Variants in PTPRA observed in about 807,000 individuals in gnomAD.
PTPRA encodes the protein receptor-type tyrosine-protein phosphatase alpha.
Under a neutral mutation model 104.8 loss-of-function variants are expected in PTPRA, and 25 were observed. That is an observed-to-expected ratio of 0.24 (90% CI 0.17 to 0.33). PTPRA has a LOEUF of 0.33. PTPRA is among the 10% of genes least tolerant of loss of function. The pLI, the probability that PTPRA is intolerant of heterozygous loss-of-function variation, is 1.00. For synonymous variants in PTPRA, 323 were observed against 368.9 expected, an observed-to-expected ratio of 0.88 and a Z score of 1.43; for missense variants, 765 against 1,015.3, an observed-to-expected ratio of 0.75 and a Z score of 3.35.
intron 1 of PTPRA, among the ~76,000 whole-genome samples, chr20:2,880,888 A>G (rs1269560903): frequency 1.3e-5 from 2 of 152,074 alleles, no homozygotes; most frequent in African/African-American, 4.8e-5. Context: ...ACGTGCCTGT[A>G]GTCCCACTTA....
At chr20:3,012,430 A>T (rs1314988868) in intron 11 of PTPRA, among the ~76,000 whole-genome samples, 1 of 152,220 alleles carries the variant, frequency 6.6e-6, no homozygotes, top group South Asian at 2.1e-4. Context: ...TGATATATCC[A>T]TGTAGATGTA....
At chr20:2,983,568 CAAAAAAA>C (rs58694839) in intron 6 of PTPRA, among the ~76,000 whole-genome samples, 1 of 93,418 alleles carries the variant, frequency 1.1e-5, no homozygotes, top group Non-Finnish European at 2.2e-5. Flanking sequence ...AAAAAAAATG[CAAAAAAA>C]AAAAAAAAAA....
At chr20:2,958,455 G>A (rs2061615942) in intron 3 of PTPRA, among the ~76,000 whole-genome samples, 1 of 151,924 alleles carries the variant, frequency 6.6e-6, no homozygotes, top group Non-Finnish European at 1.5e-5. Context: ...AGGCCTGGGG[G>A]ACAGGAAGGA....
At chr20:2,978,404 G>C (rs1229170090) in intron 6 of PTPRA, among the ~76,000 whole-genome samples, 1 of 152,146 alleles carries the variant, frequency 6.6e-6, no homozygotes, top group Non-Finnish European at 1.5e-5. Context: ...GCCTTTGAGA[G>C]CTGATAAATA....
chr20:3,031,422 C>G (rs2065449119), intron 20 of PTPRA, among the ~76,000 whole-genome samples: 1 of 151,972 alleles, frequency 6.6e-6, no homozygotes, highest in Non-Finnish European at 1.5e-5. Context: ...TCTTCTGTCC[C>G]TCACCCACTG....
At chr20:2,891,433 C>T (rs1190978083) in intron 1 of PTPRA, among the ~76,000 whole-genome samples, 1 of 152,166 alleles carries the variant, frequency 6.6e-6, no homozygotes, top group Non-Finnish European at 1.5e-5. Context: ...CTTGGTGGTG[C>T]TGTGCTCTTT....
intron 1 of PTPRA, among the ~76,000 whole-genome samples, chr20:2,910,426 A>G (rs1289112465): frequency 7.5e-6 from 1 of 132,842 alleles, no homozygotes; most frequent in Non-Finnish European, 1.6e-5. Context: ...TATAATATAT[A>G]AAATGTATAT....
intron 5 of PTPRA, among the ~76,000 whole-genome samples, chr20:2,970,257 G>T (rs942025641): frequency 6.6e-6 from 1 of 152,100 alleles, no homozygotes; most frequent in Non-Finnish European, 1.5e-5. Context: ...TTAGCAGGAT[G>T]AATTATTTTA....
At chr20:3,000,148 T>G (rs533412227) in intron 9 of PTPRA, among the ~76,000 whole-genome samples, 1 of 151,504 alleles carries the variant, frequency 6.6e-6, no homozygotes, top group Non-Finnish European at 1.5e-5. Context: ...ATTAGCCAGG[T>G]GTGGTGGCGG....
chr20:2,880,217 T>A (rs960269152), intron 1 of PTPRA, among the ~76,000 whole-genome samples: 3 of 152,206 alleles, frequency 2.0e-5, no homozygotes, highest in Non-Finnish European at 4.4e-5. Flanking sequence ...GTTTTCAAAT[T>A]GAGGTAGATA....
intron 3 of PTPRA, among the ~76,000 whole-genome samples, chr20:2,960,633 C>T (rs1457287555): frequency 6.6e-6 from 1 of 151,912 alleles, no homozygotes; most frequent in Non-Finnish European, 1.5e-5. Flanking sequence ...ACCTCCCAGG[C>T]TCAAGTGATC....
chr20:3,000,252 C>T (rs982508140), intron 9 of PTPRA, among the ~76,000 whole-genome samples: 1 of 152,138 alleles, frequency 6.6e-6, no homozygotes, highest in Non-Finnish European at 1.5e-5. Context: ...TGCGCCACTG[C>T]ACTCCAGTCT....
chr20:3,019,124 C>T (rs1287635594), intron 13 of PTPRA, among the ~76,000 whole-genome samples: 2 of 144,880 alleles, frequency 1.4e-5, no homozygotes, highest in Admixed American at 1.3e-4. Context: ...CCCCTCACCT[C>T]CTGGACGGGG....
At chr20:3,008,541 G>A (rs1353066257) in intron 11 of PTPRA, among the ~76,000 whole-genome samples, 1 of 152,038 alleles carries the variant, frequency 6.6e-6, no homozygotes, top group African/African-American at 2.4e-5. Flanking sequence ...TAGACGGATG[G>A]TGGTGATGGT....
the PTPRA span, chr20:2,865,194 A>T: frequency 6.2e-7 from 1 of 1,614,124 alleles, no homozygotes; most frequent in Non-Finnish European, 8.5e-7. This position sits in a 1 kb window ranked among gnomAD's most constrained non-coding sequence, Gnocchi z 5.2. Flanking sequence ...CGGCGCCTAG[A>T]AGACGAGCTG....
intron 3 of PTPRA, among the ~76,000 whole-genome samples, chr20:2,962,947 T>C (rs952074989): frequency 5.9e-5 from 9 of 152,296 alleles, no homozygotes; most frequent in African/African-American, 1.7e-4. Context: ...CACTACCACA[T>C]TGAACACTTT....
intron 9 of PTPRA, among the ~76,000 whole-genome samples, chr20:2,991,955 TC>T (rs1315009792): frequency 1.3e-5 from 2 of 152,254 alleles, no homozygotes; most frequent in African/African-American, 4.8e-5. Flanking sequence ...GGAGAATTTC[TC>T]TTTTATACAC....
At chr20:2,970,360 A>C (rs909598624) in intron 5 of PTPRA, among the ~76,000 whole-genome samples, 2 of 152,250 alleles carry the variant, frequency 1.3e-5, no homozygotes, top group African/African-American at 4.8e-5. Flanking sequence ...CTATTTTTCT[A>C]AACTCTCTTC....
chr20:2,868,508 G>C (rs542955849), upstream of PTPRA, among the ~76,000 whole-genome samples: 2 of 150,100 alleles, frequency 1.3e-5, no homozygotes, highest in East Asian at 2.0e-4. Context: ...TGGAAATACT[G>C]TGGCTAGGTT....
Sources: allele counts gnomAD v4.1 joint callset (sites outside exome capture counted in the v4.1 genomes callset), GRCh38; gene constraint gnomAD v4.1.1; non-coding constraint Gnocchi (gnomAD v3.1); transcripts MANE v1.5; gene names NCBI Gene and HGNC (gene_info 2026-07-23, HGNC 2026-07-21).